Variants in FBXW4 observed in about 807,000 individuals in gnomAD.
FBXW4 encodes the protein F-box and WD repeat domain containing 4.
FBXW4 carries 40 observed loss-of-function variants against 61.8 expected under a neutral mutation model. That is an observed-to-expected ratio of 0.65 (90% confidence interval 0.50 to 0.84). FBXW4 has a LOEUF of 0.84. Among genes scored for constraint, FBXW4 ranks in the 40% least tolerant of loss-of-function variants. The pLI is 0.00. For missense variants in FBXW4, 672 were observed against 753.8 expected (o/e 0.89, Z 1.27); for synonymous variants, 311 against 313.8 (o/e 0.99, Z 0.10).
intron 5 of FBXW4, among the ~76,000 whole-genome samples, chr10:101,655,826 G>A (rs746377979): frequency 7.9e-5 from 12 of 152,226 alleles, no homozygotes; most frequent in Non-Finnish European, 1.3e-4. Flanking sequence ...CTAAGCAGTG[G>A]CTGATTACAT....
In FBXW4 at chr10:101,673,470, G is replaced by C; in HGVS notation, c.1007+18C>G. The C allele has an allele frequency of 6.2e-7, 1 of 1,613,150 alleles. No individual in the cohort carries two copies. Among genetic ancestry groups the C allele is most frequent in the Admixed American group, 1.7e-5 (1 of 59,992 alleles). ...TATAAGATGGAAAAGGGTGGAAGGA[G>C]AAACCTATAGCACTTACCCTCCTGC... On this transcript the variant is annotated intron_variant, in intron 3 of 8. Transcript: ENST00000331272.
intron 1 of FBXW4, among the ~76,000 whole-genome samples, chr10:101,691,376 T>C (rs139260692): frequency 5.6e-4 from 85 of 152,282 alleles, no homozygotes; most frequent in African/African-American, 2.0e-3. Flanking sequence ...GCATAACTTC[T>C]TCCCTCAATC....
intron 5 of FBXW4, among the ~76,000 whole-genome samples, chr10:101,654,390 A>G (rs1315173804): frequency 6.6e-6 from 1 of 152,154 alleles, no homozygotes; most frequent in Non-Finnish European, 1.5e-5. Flanking sequence ...TGATATATAA[A>G]TTCTACTTCA....
At chr10:101,693,583 T>C (rs773227356) in intron 1 of FBXW4, among the ~76,000 whole-genome samples, 2 of 152,234 alleles carry the variant, frequency 1.3e-5, no homozygotes, top group Non-Finnish European at 2.9e-5. Flanking sequence ...TTATTTAATG[T>C]TGTCATAATG....
intron 5 of FBXW4, chr10:101,659,447 A>T (rs2064221660): frequency 1.0e-6 from 1 of 985,170 alleles, no homozygotes; most frequent in South Asian, 4.7e-5. Context: ...GAAAGGTCCC[A>T]ATGCTCCTCT....
chr10:101,669,354 C>T (rs1449118385), intron 4 of FBXW4, among the ~76,000 whole-genome samples: 1 of 152,164 alleles, frequency 6.6e-6, no homozygotes, highest in African/African-American at 2.4e-5. Flanking sequence ...GCTAAAAAGA[C>T]AGCTTTGCCT....
chr10:101,614,728 C>T (rs1363277983), intron 6 of FBXW4, among the ~76,000 whole-genome samples: 3 of 152,194 alleles, frequency 2.0e-5, no homozygotes, highest in African/African-American at 4.8e-5. Flanking sequence ...GGCCCAGGAC[C>T]CTCAAGGCTC....
chr10:101,629,210 A>T (rs924282445), intron 5 of FBXW4, among the ~76,000 whole-genome samples: 1 of 152,196 alleles, frequency 6.6e-6, no homozygotes, highest in African/African-American at 2.4e-5. Context: ...AGCACTTACT[A>T]TGTGCCAGGT....
chr10:101,648,491 T>G (rs929119679), intron 5 of FBXW4, among the ~76,000 whole-genome samples: 1 of 152,146 alleles, frequency 6.6e-6, no homozygotes, highest in Non-Finnish European at 1.5e-5. Flanking sequence ...TGATTATACT[T>G]TGAACATGAG....
rs2063780301 is a variant in FBXW4, at chr10:101,611,311, G to A, written c.1684C>T (p.Leu562=). ...YAALSYNLHV[L]DFQNP Reference sequence around the variant, plus strand: ...GACGGTCATGGGTTTTGAAAATCCAGGACGTGGAGGTTGTAAGACAGGGCA... The same window carrying A: ...GACGGTCATGGGTTTTGAAAATCCAAGACGTGGAGGTTGTAAGACAGGGCA... The change falls in exon 9 of 9, where the codon CTG becomes TTG. Residue 562 remains leucine, a synonymous_variant. Transcript: ENST00000331272. The surrounding 1 kb of genome is among the most constrained non-coding windows in gnomAD (Gnocchi z 4.9). The A allele has an allele frequency of 6.2e-7, 1 of 1,614,058 alleles. No homozygotes were observed. The highest frequency in any genetic ancestry group is 8.5e-7 in the Non-Finnish European group (1 of 1,179,980).
At chr10:101,617,049 G>A (rs1251822496) in intron 6 of FBXW4, among the ~76,000 whole-genome samples, 3 of 152,092 alleles carry the variant, frequency 2.0e-5, no homozygotes, top group African/African-American at 7.2e-5. Flanking sequence ...CAGATGAGAC[G>A]GCTGCTTAGG....
intron 2 of FBXW4, among the ~76,000 whole-genome samples, chr10:101,674,184 A>G (rs2134895913): frequency 6.6e-6 from 1 of 152,034 alleles, no homozygotes; most frequent in African/African-American, 2.4e-5. Flanking sequence ...ACAAAATTAG[A>G]CAGGCATAGT....
In FBXW4 at chr10:101,610,931, G is replaced by A. The variant is rs2063775351; in HGVS notation, c.*360C>T. The A allele has an allele frequency of 6.2e-6, 1 of 161,772 alleles. No individual in the cohort carries two copies. The highest frequency in any genetic ancestry group is 1.3e-5 in the Non-Finnish European group (1 of 74,388). The allele number at this position is 161,772 out of a possible 1,614,324, so 10.0% of individuals were successfully genotyped here. A position where few individuals can be genotyped will look rare whatever the true frequency, so the allele number is the denominator to read the frequency against. On this transcript the variant is annotated 3_prime_UTR_variant, in exon 9 of 9. Coordinates refer to ENST00000331272, the MANE Select transcript of FBXW4 (RefSeq NM_022039.4). ...GGAAGGGGCAGAAAGGAACCATCTG[G>A]GAAGGTGGGAGCACCTCACCTCACT...
intron 5 of FBXW4, among the ~76,000 whole-genome samples, chr10:101,642,514 C>A (rs1379237762): frequency 1.3e-5 from 2 of 152,114 alleles, no homozygotes; most frequent in East Asian, 3.9e-4. Flanking sequence ...CTGCTCCTCT[C>A]CAAGCTACAA....
chr10:101,650,654 A>T (rs976999165), intron 5 of FBXW4, among the ~76,000 whole-genome samples: 1 of 152,244 alleles, frequency 6.6e-6, no homozygotes, highest in Admixed American at 6.5e-5. Flanking sequence ...TGTGACAGAC[A>T]CATGGATGGG....
At chr10:101,627,046 CTT>C (rs546029527) in intron 5 of FBXW4, 42 of 129,952 alleles carry the variant, frequency 3.2e-4, no homozygotes, top group Admixed American at 3.2e-4. Context: ...TGTACAGGGC[CTT>C]TTTTTTTTTT....
At position 101,694,583 on chromosome 10, in the gene FBXW4, C is replaced by T; in HGVS notation, c.523G>A (p.Ala175Thr). 1 of 1,460,704 alleles carries T rather than the reference C, an allele frequency of 6.8e-7. No homozygotes were observed. The highest frequency in any genetic ancestry group is 9.0e-7 in the Non-Finnish European group (1 of 1,116,094). 90.5% of individuals were successfully genotyped at this position (1,460,704 alleles called of 1,614,324 possible). ...AGCGCAGGCCCCGCGGCCGGGCGGGCAGCCGACTCCCGAGCCGCCTCCTCC... is the reference window on the plus strand; with the variant it reads ...AGCGCAGGCCCCGCGGCCGGGCGGGTAGCCGACTCCCGAGCCGCCTCCTCC... ...EEEEAARESAARPAAGPALWR... is the reference protein window; with the variant it reads ...EEEEAARESATRPAAGPALWR... Residue 175 changes from alanine (A) to threonine (T), a missense_variant, in exon 1 of 9, where the codon GCC becomes ACC. Physicochemically the swap from Ala to Thr is moderately conservative, Grantham distance 58 (BLOSUM62 0). This residue lies in a region of FBXW4 where 311 missense variants were observed against 301.1 expected (regional missense o/e 1.03). Transcript: ENST00000331272. This position sits in a 1 kb window ranked among gnomAD's most constrained non-coding sequence, Gnocchi z 6.0.
intron 1 of FBXW4, among the ~76,000 whole-genome samples, chr10:101,690,470 AAAAAG>A (rs1248123765): frequency 1.3e-5 from 2 of 152,234 alleles, no homozygotes; most frequent in Admixed American, 1.3e-4. Context: ...CCTTTAAAAA[AAAAAG>A]AAAAGTAAGC....
chr10:101,618,265 C>G (rs955590950), intron 6 of FBXW4, among the ~76,000 whole-genome samples: 3 of 152,240 alleles, frequency 2.0e-5, no homozygotes, highest in African/African-American at 7.2e-5. Context: ...CATGGCTGAC[C>G]AGGTGGCCCT....
Sources: allele counts gnomAD v4.1 joint callset (sites outside exome capture counted in the v4.1 genomes callset), GRCh38; gene constraint gnomAD v4.1.1; regional missense constraint gnomAD v4.1.1; non-coding constraint Gnocchi (gnomAD v3.1); transcripts MANE v1.5; gene names NCBI Gene and HGNC (gene_info 2026-07-23, HGNC 2026-07-21).